Variants in IQCM observed in about 807,000 individuals in gnomAD.
IQCM encodes IQ motif containing M.
In IQCM, 45 loss-of-function variants were observed where a neutral mutation model predicts 57.6. That is an observed-to-expected ratio of 0.78 (90% CI 0.62 to 1.00). IQCM has a LOEUF of 1.00. Ranked by LOEUF, IQCM falls within the 50% of genes least tolerant of loss-of-function variation. The pLI is 0.00. For synonymous variants in IQCM, 148 were observed against 158.9 expected, an observed-to-expected ratio of 0.93 and a Z score of 0.51; for missense variants, 468 against 511.6, an observed-to-expected ratio of 0.91 and a Z score of 0.82.
intron 12 of IQCM, among the ~76,000 whole-genome samples, chr4:149,539,895 T>G (rs1291571996): frequency 6.6e-6 from 1 of 151,980 alleles, no homozygotes; most frequent in African/African-American, 2.4e-5. Flanking sequence ...AAGAGAATCT[T>G]TATTGCATCC....
At chr4:149,494,864 T>G (rs1579257575) in intron 12 of IQCM, among the ~76,000 whole-genome samples, 2 of 152,252 alleles carry the variant, frequency 1.3e-5, no homozygotes, top group East Asian at 3.9e-4. Flanking sequence ...TATCGTGATC[T>G]GACTTATGTG....
intron 8 of IQCM, among the ~76,000 whole-genome samples, chr4:149,609,432 A>C (rs1755084573): frequency 6.6e-6 from 1 of 151,930 alleles, no homozygotes; most frequent in South Asian, 2.1e-4. Context: ...ACAAAGCCAG[A>C]ACAAAATCAA....
At position 149,476,498 on chromosome 4, in the gene IQCM, A is replaced by G. The variant is rs146454326; in HGVS notation, c.1229-42941T>C. ...AAGTGACAAGTTGTAAGACTGGGAT[A>G]TATGGATTTCAGTGTGGTCACTATG... is the stretch of plus-strand genomic sequence containing the variant. On this transcript the variant is annotated intron_variant, in intron 12 of 13. Transcript: ENST00000636793. Among the ~76,000 whole-genome samples the G allele has an allele frequency of 2.4e-3, 366 of 152,316 alleles. 3 individuals carry two copies. Among genetic ancestry groups the G allele is most frequent in the African/African-American group, 8.4e-3 (349 of 41,574 alleles).
Position 149,621,111 on chromosome 4 carries a change from A to T in IQCM, c.681+18T>A. 9.0e-7 allele frequency: 1 copy of T among 1,115,770 alleles called. No individual in the cohort carries two copies. Among genetic ancestry groups the T allele is most frequent in the Non-Finnish European group, 1.1e-6 (1 of 881,720 alleles). 69.1% of individuals were successfully genotyped at this position (1,115,770 alleles called of 1,614,324 possible). On this transcript the variant is annotated intron_variant, in intron 8 of 13. Coordinates refer to ENST00000636793, the MANE Select transcript of IQCM (RefSeq NM_001363507.2). ...AAAATGGCAATTCAAATCTACATCC[A>T]GTTTTATAAATACTTACAGAATAAT...
chr4:149,358,088 G>C (rs1262991935), intron 13 of IQCM, among the ~76,000 whole-genome samples: 7 of 152,074 alleles, frequency 4.6e-5, no homozygotes, highest in Non-Finnish European at 5.9e-5. Flanking sequence ...GATCGGTGGT[G>C]ATATCCCCTT....
At chr4:149,380,369 G>A (rs1730992897) in intron 13 of IQCM, among the ~76,000 whole-genome samples, 1 of 152,120 alleles carries the variant, frequency 6.6e-6, no homozygotes, top group Non-Finnish European at 1.5e-5. Flanking sequence ...TGGTGGCCCA[G>A]AGGTATGTAA....
At chr4:149,395,867 T>C (rs755013408) in intron 13 of IQCM, among the ~76,000 whole-genome samples, 4 of 152,010 alleles carry the variant, frequency 2.6e-5, no homozygotes, top group Non-Finnish European at 5.9e-5. Flanking sequence ...ATGTTATTTC[T>C]TCAGCTTTCT....
intron 11 of IQCM, 125 bp downstream of exon 11, chr4:149,553,018 C>A (rs1042691865): frequency 1.7e-5 from 11 of 634,064 alleles, no homozygotes; most frequent in Non-Finnish European, 2.5e-5. Flanking sequence ...ACTTAAAATG[C>A]AAATTGCTTA....
At chr4:149,383,006 AAAG>A (rs1731184867) in intron 13 of IQCM, among the ~76,000 whole-genome samples, 1 of 151,856 alleles carries the variant, frequency 6.6e-6, no homozygotes, top group African/African-American at 2.4e-5. Flanking sequence ...AAAAAAAAAA[AAAG>A]AAAAATTATA....
chr4:149,803,201 A>G (rs1773763267), intron 2 of IQCM, among the ~76,000 whole-genome samples: 1 of 151,956 alleles, frequency 6.6e-6, no homozygotes, highest in Non-Finnish European at 1.5e-5. Flanking sequence ...CGTGTTCAAG[A>G]AAAAAATCCT....
chr4:149,680,739 A>G (rs371176509), intron 7 of IQCM, among the ~76,000 whole-genome samples: 3 of 151,464 alleles, frequency 2.0e-5, no homozygotes, highest in African/African-American at 4.8e-5. Flanking sequence ...AAAACTTATC[A>G]CATGGGTGAC....
At chr4:149,380,758 A>T (rs182371175) in intron 13 of IQCM, among the ~76,000 whole-genome samples, 245 of 152,272 alleles carry the variant, frequency 1.6e-3, no homozygotes, top group African/African-American at 5.6e-3. Context: ...ACAGTCCAGG[A>T]AAGAGAGGGA....
chr4:149,385,661 C>T (rs896309501), intron 13 of IQCM, among the ~76,000 whole-genome samples: 6 of 152,060 alleles, frequency 3.9e-5, no homozygotes, highest in African/African-American at 1.4e-4. Flanking sequence ...GTCTTCTTTA[C>T]TGTAGATATT....
At chr4:149,625,512 G>A (rs1206049135) in intron 7 of IQCM, among the ~76,000 whole-genome samples, 5 of 152,146 alleles carry the variant, frequency 3.3e-5, no homozygotes, top group Non-Finnish European at 5.9e-5. Flanking sequence ...CAAAGACTCA[G>A]GGAGAACTGC....
chr4:149,359,185 A>T (rs573131006), intron 13 of IQCM, among the ~76,000 whole-genome samples: 1 of 151,516 alleles, frequency 6.6e-6, no homozygotes, highest in African/African-American at 2.4e-5. Context: ...CAAATAAAAA[A>T]CCTCTCTAGA....
intron 12 of IQCM, among the ~76,000 whole-genome samples, chr4:149,468,612 C>G (rs909782398): frequency 2.0e-5 from 3 of 152,152 alleles, no homozygotes; most frequent in Non-Finnish European, 4.4e-5. Context: ...TGTCTGACAG[C>G]TTTGAAGAGA....
intron 2 of IQCM, among the ~76,000 whole-genome samples, chr4:149,745,831 G>C (rs918170616): frequency 6.6e-6 from 1 of 151,998 alleles, no homozygotes; most frequent in Non-Finnish European, 1.5e-5. Context: ...AATTAGCTGG[G>C]TGGGGTGCAT....
chr4:149,458,667 C>G (rs1045825246), intron 12 of IQCM, among the ~76,000 whole-genome samples: 5 of 151,650 alleles, frequency 3.3e-5, no homozygotes, highest in African/African-American at 1.2e-4. Flanking sequence ...ACTATTTTAC[C>G]CAATGTTCTT....
At chr4:149,450,509 T>C (rs1736994864) in intron 12 of IQCM, among the ~76,000 whole-genome samples, 1 of 151,416 alleles carries the variant, frequency 6.6e-6, no homozygotes, top group Non-Finnish European at 1.5e-5. Context: ...TCAAACTCTG[T>C]AGGAAAAAAA....
Sources: gnomAD v4.1 joint callset for allele counts (sites outside exome capture counted in the v4.1 genomes callset) on GRCh38, gnomAD v4.1.1 for gene constraint, MANE v1.5 for transcripts, NCBI Gene and HGNC (gene_info 2026-07-23, HGNC 2026-07-21) for gene names.